The following CNBD1 variants were observed in gnomAD, a reference collection of about 807,000 sequenced individuals.
CNBD1 encodes the protein cyclic nucleotide-binding domain-containing protein 1.
In CNBD1, 71 loss-of-function variants were observed where a neutral mutation model predicts 54.4. That is an observed-to-expected ratio of 1.30 (90% CI 1.08 to 1.59). The LOEUF (loss-of-function observed/expected upper bound fraction) is 1.59. Among genes scored for constraint, CNBD1 ranks in the 40% most tolerant of loss-of-function variants. CNBD1 has a pLI of 0.00. For synonymous variants in CNBD1, 182 were observed against 170.7 expected, an observed-to-expected ratio of 1.07 and a Z score of -0.51; for missense variants, 659 against 518.0, an observed-to-expected ratio of 1.27 and a Z score of -2.64.
chr8:86,927,343 G>A (rs1809379166), intron 3 of CNBD1, among the ~76,000 whole-genome samples: 1 of 152,110 alleles, frequency 6.6e-6, no homozygotes, highest in African/African-American at 2.4e-5. Context: ...GGGGTCCAGG[G>A]GTGAATGGTC....
chr8:87,333,579 C>T (rs1809880316), intron 8 of CNBD1, among the ~76,000 whole-genome samples: 2 of 152,110 alleles, frequency 1.3e-5, no homozygotes, highest in African/African-American at 4.8e-5. Flanking sequence ...GAGTTTTCAA[C>T]ATGAAGTGAT....
At chr8:86,910,890 T>G (rs1375423916) in intron 3 of CNBD1, among the ~76,000 whole-genome samples, 1 of 152,168 alleles carries the variant, frequency 6.6e-6, no homozygotes, top group Non-Finnish European at 1.5e-5. Context: ...CAGGAGGTTT[T>G]ATAGATGAGC....
chr8:87,082,058 A>G (rs1029991061), intron 4 of CNBD1, among the ~76,000 whole-genome samples: 30 of 152,196 alleles, frequency 2.0e-4, no homozygotes, highest in African/African-American at 6.8e-4. Context: ...CTCTGAGCCC[A>G]AGCTAAGCCA....
At chr8:87,391,895 A>G (rs1811316722) in intron 2 of CNBD1, among the ~76,000 whole-genome samples, 1 of 152,210 alleles carries the variant, frequency 6.6e-6, no homozygotes, top group East Asian at 1.9e-4. Context: ...CAAGAAAGTG[A>G]TGTGAATCCA....
At chr8:87,362,337 A>T (rs2130937735) in intron 10 of CNBD1, among the ~76,000 whole-genome samples, 1 of 152,218 alleles carries the variant, frequency 6.6e-6, no homozygotes, top group South Asian at 2.1e-4. Context: ...GTGATAACTG[A>T]GGTTTTTCAA....
Position 87,280,416 on chromosome 8 carries a change from A to G in CNBD1, c.772-4262A>G, listed in dbSNP as rs559866149. 4.0e-5 allele frequency among the ~76,000 whole-genome samples: 6 copies of G among 151,722 alleles called. No homozygotes were observed. The South Asian group carries it at 6.2e-4, about 16-fold the overall frequency. ...TGTACAAATAATCACAAACTATGGA[A>G]TAATATATTAGAAGTTCAAGAAGTT... On this transcript the variant is annotated intron_variant, in intron 6 of 10. Transcript: ENST00000518476.
chr8:87,065,911 G>C (rs1177724149), intron 4 of CNBD1, among the ~76,000 whole-genome samples: 1 of 151,856 alleles, frequency 6.6e-6, no homozygotes, highest in African/African-American at 2.4e-5. Context: ...CCCACTACAT[G>C]GTTGTTGATA....
intron 8 of CNBD1, among the ~76,000 whole-genome samples, chr8:87,335,834 G>A (rs1422003972): frequency 6.6e-6 from 1 of 152,152 alleles, no homozygotes; most frequent in African/African-American, 2.4e-5. Context: ...GTTTTGCAGA[G>A]CCTGGTACTG....
intron 4 of CNBD1, among the ~76,000 whole-genome samples, chr8:87,167,457 G>T (rs2915527): frequency 0.78 from 117,611 of 150,790 alleles, 46,461 homozygotes; most frequent in African/African-American, 0.9. Flanking sequence ...AACATTTTTT[G>T]TTGTTGTTGT....
intron 4 of CNBD1, among the ~76,000 whole-genome samples, chr8:86,959,053 G>C (rs923082671): frequency 6.6e-6 from 1 of 152,142 alleles, no homozygotes. Context: ...GGTGGTGACA[G>C]AATCTCTCTG....
At chr8:87,264,170 C>G (rs1290071773) in intron 6 of CNBD1, among the ~76,000 whole-genome samples, 1 of 151,908 alleles carries the variant, frequency 6.6e-6, no homozygotes, top group Non-Finnish European at 1.5e-5. Flanking sequence ...ACAACAGGCC[C>G]CGGAGTGTGA....
intron 5 of CNBD1, among the ~76,000 whole-genome samples, chr8:87,229,565 G>A: frequency 6.6e-6 from 1 of 151,670 alleles, no homozygotes; most frequent in East Asian, 1.9e-4. Context: ...TATAAATTTT[G>A]GGATTATGTC....
chr8:87,020,019 C>T (rs1809450246), intron 4 of CNBD1, among the ~76,000 whole-genome samples: 1 of 152,092 alleles, frequency 6.6e-6, no homozygotes, highest in Non-Finnish European at 1.5e-5. Flanking sequence ...TATAATAATG[C>T]ATATGGGTTT....
At chr8:87,029,409 A>C (rs1248035883) in intron 4 of CNBD1, among the ~76,000 whole-genome samples, 1 of 152,226 alleles carries the variant, frequency 6.6e-6, no homozygotes, top group Non-Finnish European at 1.5e-5. Context: ...ATATAGAGTC[A>C]ACCAAACTTA....
intron 8 of CNBD1, among the ~76,000 whole-genome samples, chr8:87,302,011 A>C (rs1809008734): frequency 6.6e-6 from 1 of 152,138 alleles, no homozygotes; most frequent in South Asian, 2.1e-4. Flanking sequence ...TTACCAACCA[A>C]AAAAAGTCCA....
chr8:87,404,937 C>T (rs1344226902), intron 2 of CNBD1, among the ~76,000 whole-genome samples: 1 of 151,968 alleles, frequency 6.6e-6, no homozygotes, highest in Non-Finnish European at 1.5e-5. Context: ...ATCTAGGCCT[C>T]CACCAACTCA....
chr8:87,257,577 A>G (rs1232307579), intron 6 of CNBD1, among the ~76,000 whole-genome samples: 1 of 152,072 alleles, frequency 6.6e-6, no homozygotes, highest in East Asian at 1.9e-4. Flanking sequence ...ATGATAAGTC[A>G]TGGAATGCAG....
rs118166863 is a variant in CNBD1 at position 86,924,037 on chromosome 8, T to A, written c.273-15559T>A. On this transcript the variant is annotated intron_variant, in intron 3 of 10. Transcript: ENST00000518476. Reference sequence around the variant, plus strand: ...TCAATTCAATTCAAAATGATATCGTTCAAAGTTTGTAAATTTCAGGTTTTG... The same window carrying A: ...TCAATTCAATTCAAAATGATATCGTACAAAGTTTGTAAATTTCAGGTTTTG... 8.8e-3 allele frequency among the ~76,000 whole-genome samples: 1,342 copies of A among 152,274 alleles called. 8 individuals are homozygous for A. The highest frequency in any genetic ancestry group is 0.013 in the Non-Finnish European group (870 of 68,014).
At chr8:87,210,803 A>G (rs1020838032) in intron 5 of CNBD1, among the ~76,000 whole-genome samples, 3 of 152,156 alleles carry the variant, frequency 2.0e-5, no homozygotes, top group Non-Finnish European at 4.4e-5. Flanking sequence ...CCTCACAGAG[A>G]ACCTCTACTA....
Sources: allele counts gnomAD v4.1 joint callset (sites outside exome capture counted in the v4.1 genomes callset), GRCh38; gene constraint gnomAD v4.1.1; transcripts MANE v1.5; gene names NCBI Gene and HGNC (gene_info 2026-07-23, HGNC 2026-07-21).